NIN: variants seen among roughly 807,000 people sequenced by gnomAD.
The protein encoded by NIN is glycogen synthase kinase 3 beta-interacting protein.
Under a neutral mutation model 257.6 loss-of-function variants are expected in NIN, and 137 were observed. The ratio of observed to expected loss-of-function variants is 0.53; its 90% CI spans 0.46 to 0.61. The LOEUF is 0.61. Ranked by LOEUF, NIN falls within the 20% of genes least tolerant of loss-of-function variation. The pLI, the probability that NIN is intolerant of heterozygous loss-of-function variation, is 0.00. For synonymous variants in NIN, 918 were observed against 919.8 expected, an observed-to-expected ratio of 1.00 and a Z score of 0.04; for missense variants, 2,439 against 2,501.2, an observed-to-expected ratio of 0.98 and a Z score of 0.53.
At chr14:50,830,680 T>A (rs2045665374) in intron 1 of NIN, 163 bp from the exon 2 acceptor site, 2 of 164,192 alleles carry the variant, frequency 1.2e-5, no homozygotes, top group South Asian at 4.1e-4. Context: ...AAAGCGCGGC[T>A]CTCGGGGGCC....
At chr14:50,803,664 G>A (rs544426204) in intron 4 of NIN, among the ~76,000 whole-genome samples, 8 of 152,250 alleles carry the variant, frequency 5.3e-5, no homozygotes, top group South Asian at 2.1e-4. Flanking sequence ...ATTAAGCTAC[G>A]TCCCTCTTTG....
In NIN at chr14:50,756,120, T is replaced by A. The variant is rs148378070; in HGVS notation, c.4538+372A>T. On this transcript the variant is annotated intron_variant, in intron 18 of 30. Transcript: ENST00000530997. Reference sequence around the variant, plus strand: ...AAAAATCATTCATTTGTATATAACATGTTTCCTCAAAATGAGGAAAGTAAC... The same window carrying A: ...AAAAATCATTCATTTGTATATAACAAGTTTCCTCAAAATGAGGAAAGTAAC... Among the ~76,000 whole-genome samples the A allele has an allele frequency of 1.4e-4, 21 of 151,032 alleles. No individual in the cohort carries two copies. In the East Asian group the frequency reaches 4.1e-3, roughly 30 times the overall value.
chr14:50,792,699 C>T lies in NIN; in HGVS notation c.435+13G>A. Reference sequence around the variant, plus strand: ...CTCATGATCCAGATGAACGTGCATGCCCGATTCCTTACCTCACTGCAGTCA... The same window carrying T: ...CTCATGATCCAGATGAACGTGCATGTCCGATTCCTTACCTCACTGCAGTCA... On this transcript the variant is annotated intron_variant, in intron 5 of 30. Coordinates refer to ENST00000530997, the MANE Select transcript of NIN (RefSeq NM_020921.4). 6.2e-7 allele frequency: 1 copy of T among 1,614,026 alleles called. No individual in the cohort carries two copies. The highest frequency in any genetic ancestry group is 8.5e-7 in the Non-Finnish European group (1 of 1,179,934).
chr14:50,786,258 T>C (rs2043343353), intron 5 of NIN, among the ~76,000 whole-genome samples: 1 of 152,224 alleles, frequency 6.6e-6, no homozygotes, highest in Non-Finnish European at 1.5e-5. Flanking sequence ...CGAATACTAC[T>C]TTTCTGTTGG....
intron 2 of NIN, among the ~76,000 whole-genome samples, chr14:50,825,828 A>C (rs1180857876): frequency 1.3e-5 from 2 of 152,230 alleles, no homozygotes; most frequent in South Asian, 2.1e-4. Context: ...AAACTTTTCC[A>C]AATTGGAATT....
rs933638542 is a variant in NIN, at chr14:50,720,310, C to G, written c.*3153G>C. The G allele has an allele frequency of 4.5e-6, 1 of 220,532 alleles. No individual in the cohort carries two copies. The highest frequency in any genetic ancestry group is 9.1e-6 in the Non-Finnish European group (1 of 110,106). The allele number at this position is 220,532 out of a possible 1,614,324, so 13.7% of individuals were successfully genotyped here. ...CACAAAGCACTTAGCCTTGCCTTGA[C>G]TGGAAATACCTTTAAGATGCTGACA... is the stretch of plus-strand genomic sequence containing the variant. On this transcript the variant is annotated 3_prime_UTR_variant, in exon 31 of 31. Transcript: ENST00000530997.
At chr14:50,739,162 T>C (rs1024591956) in intron 26 of NIN, 146 bp downstream of exon 26, 2 of 634,192 alleles carry the variant, frequency 3.2e-6, no homozygotes, top group Non-Finnish European at 5.3e-6. Context: ...GAGTAAATGA[T>C]AAATGATACA....
At chr14:50,752,491 A>G (rs2041829395) in intron 21 of NIN, 27 bp downstream of exon 21, 1 of 1,536,450 alleles carries the variant, frequency 6.5e-7, no homozygotes, top group Admixed American at 1.9e-5. Flanking sequence ...TCCTCAAAAA[A>G]AGCTGTCAGG....
At chr14:50,755,603 T>C (rs2041983247) in intron 18 of NIN, among the ~76,000 whole-genome samples, 1 of 148,970 alleles carries the variant, frequency 6.7e-6, no homozygotes, top group Admixed American at 6.7e-5. Context: ...TGGAGGCTCC[T>C]CAAATTATAT....
chr14:50,809,334 G>A (rs2044476611), intron 3 of NIN, among the ~76,000 whole-genome samples: 1 of 152,134 alleles, frequency 6.6e-6, no homozygotes, highest in African/African-American at 2.4e-5. Flanking sequence ...GAGGTCTGAG[G>A]GCCTGCCTTC....
chr14:50,734,639 A>G (rs2040887033), intron 28 of NIN, among the ~76,000 whole-genome samples: 3 of 152,150 alleles, frequency 2.0e-5, no homozygotes, highest in African/African-American at 7.2e-5. Context: ...ACTGGAACTC[A>G]AAGTCCAAGC....
intron 24 of NIN, chr14:50,741,993 C>G: frequency 2.7e-6 from 1 of 371,690 alleles, no homozygotes; most frequent in Non-Finnish European, 4.9e-6. Flanking sequence ...TGGTATCTTA[C>G]AATACCAATG....
chr14:50,796,329 A>C (rs572364139), intron 4 of NIN, among the ~76,000 whole-genome samples: 4 of 152,310 alleles, frequency 2.6e-5, no homozygotes, highest in Middle Eastern at 6.8e-3. Context: ...TTATTCCATA[A>C]GCCAAATGCT....
chr14:50,749,617 A>C (rs1308303131), intron 21 of NIN, among the ~76,000 whole-genome samples: 1 of 152,066 alleles, frequency 6.6e-6, no homozygotes, highest in Non-Finnish European at 1.5e-5. Context: ...TTCATTTATT[A>C]ATTGGAATTA....
At chr14:50,791,577 C>A (rs1355286773) in intron 5 of NIN, among the ~76,000 whole-genome samples, 1 of 151,968 alleles carries the variant, frequency 6.6e-6, no homozygotes, top group Non-Finnish European at 1.5e-5. Flanking sequence ...ATGATGCAGA[C>A]CCCGATCAGC....
rs565206600 is a variant in NIN at position 50,817,917 on chromosome 14, T to C, written c.183+3957A>G. ...TTTTAGCAGAGACAGGGTTTCACAG[T>C]GTTGCCCAGGCTGCTCTCGAATTCC... On this transcript the variant is annotated intron_variant, in intron 3 of 30. Transcript: ENST00000530997. Among the ~76,000 whole-genome samples the C allele has an allele frequency of 1.5e-4, 23 of 152,094 alleles. No homozygotes were observed. In the East Asian group the frequency reaches 4.1e-3, roughly 27 times the overall value.
chr14:50,795,658 A>T (rs1354661192), intron 4 of NIN, among the ~76,000 whole-genome samples: 1 of 152,242 alleles, frequency 6.6e-6, no homozygotes, highest in Non-Finnish European at 1.5e-5. Flanking sequence ...TCATTCTGGA[A>T]TAATCTTATC....
rs1460508967 is a variant in NIN, at chr14:50,741,648, C to G, written c.5382G>C (p.Gln1794His). The change falls in exon 25 of 31, where the codon CAG (glutamine) becomes CAC (histidine). Residue 1794 changes from glutamine to histidine, a missense_variant. This residue lies in a region of NIN where 2,043 missense variants were observed against 2,050.2 expected (regional missense o/e 1.00). Transcript: ENST00000530997. ...CTTCTTGTTTTAAAGCCTCCTTTTC[C>G]TGCTGAGTCACTCGTAGGTCAGATT... Reference protein sequence around the residue: ...RMKSDLRVTQQEKEALKQEVM... With the variant: ...RMKSDLRVTQHEKEALKQEVM... 6.2e-7 allele frequency: 1 copy of G among 1,614,050 alleles called. No homozygotes were observed. Among genetic ancestry groups the G allele is most frequent in the African/African-American group, 1.3e-5 (1 of 74,938 alleles).
intron 30 of NIN, 164 bp downstream of exon 30, chr14:50,725,789 G>T: frequency 8.0e-7 from 1 of 1,251,978 alleles, no homozygotes; most frequent in Non-Finnish European, 1.1e-6. Context: ...ATTTTTTGGG[G>T]TGATATGAGG....
Sources: allele counts gnomAD v4.1 joint callset (sites outside exome capture counted in the v4.1 genomes callset), GRCh38; gene constraint gnomAD v4.1.1; regional missense constraint gnomAD v4.1.1; transcripts MANE v1.5; gene names NCBI Gene and HGNC (gene_info 2026-07-23, HGNC 2026-07-21).